The following NXN variants were observed in gnomAD, a reference collection of about 807,000 sequenced individuals.
The protein encoded by NXN is nucleoredoxin.
NXN carries 16 observed loss-of-function variants against 48.6 expected under a neutral mutation model. The ratio of observed to expected loss-of-function variants is 0.33; its 90% CI spans 0.22 to 0.50. The LOEUF is 0.50. Ranked by LOEUF, NXN falls within the 20% of genes least tolerant of loss-of-function variation. NXN has a pLI of 0.98. For synonymous variants in NXN, 281 were observed against 269.6 expected (o/e 1.04, Z -0.41); for missense variants, 492 against 605.5 (o/e 0.81, Z 1.97).
chr17:846,670 AT>A (rs200975642), intron 1 of NXN, among the ~76,000 whole-genome samples: 2 of 150,358 alleles, frequency 1.3e-5, no homozygotes, highest in African/African-American at 2.5e-5. Context: ...TAAACATTTG[AT>A]TTTTTTTTAG....
chr17:903,241 G>T (rs2068553199), intron 1 of NXN, among the ~76,000 whole-genome samples: 1 of 150,208 alleles, frequency 6.7e-6, no homozygotes, highest in Non-Finnish European at 1.5e-5. Flanking sequence ...AGTCTCACTC[G>T]GTCACCCAGG....
intron 1 of NXN, among the ~76,000 whole-genome samples, chr17:842,881 G>A (rs949189115): frequency 6.6e-6 from 1 of 152,064 alleles, no homozygotes; most frequent in Non-Finnish European, 1.5e-5. Context: ...GGAGGTTGCG[G>A]TAAGCCGAGA....
chr17:884,834 T>G (rs1007971950), intron 1 of NXN, among the ~76,000 whole-genome samples: 1 of 152,228 alleles, frequency 6.6e-6, no homozygotes, highest in East Asian at 1.9e-4. Context: ...ATAAAACATG[T>G]TTCTAGAATG....
chr17:872,583 T>TAA (rs1567842823), intron 1 of NXN, among the ~76,000 whole-genome samples: 1 of 149,998 alleles, frequency 6.7e-6, no homozygotes, highest in Non-Finnish European at 1.5e-5. Context: ...TGATCCTGAG[T>TAA]GTGTCTGTGA....
In NXN at chr17:917,987, G is replaced by A. The variant is rs1340258674; in HGVS notation, c.360+61332C>T. Among the ~76,000 whole-genome samples the A allele has an allele frequency of 6.6e-6, 1 of 152,192 alleles. No homozygotes were observed. The highest frequency in any genetic ancestry group is 1.5e-5 in the Non-Finnish European group (1 of 68,038). The stretch of plus-strand genomic sequence containing the variant: ...CTTTATGGAAGACACATGGCTCACG[G>A]CAGGGCCCGGCACATCACAAAAACT... On this transcript the variant is annotated intron_variant, in intron 1 of 7. Coordinates refer to ENST00000336868, the MANE Select transcript of NXN (RefSeq NM_022463.5). The surrounding 1 kb of genome is among the most constrained non-coding windows in gnomAD (Gnocchi z 4.5).
In NXN at chr17:915,886, A is replaced by AAAATGG. The variant is rs1555621964; in HGVS notation, c.360+63432_360+63433insCCATTT. Among the ~76,000 whole-genome samples, 15 of 99,904 alleles carry AAAATGG rather than the reference A, an allele frequency of 1.5e-4. No individual in the cohort carries two copies. In the East Asian group the frequency reaches 1.7e-3, roughly 11 times the overall value. The allele number at this position is 99,904 out of a possible 152,430, so 65.5% of individuals were successfully genotyped here. ...TTATGGTGTCAGAGCTGGAACTTCC[A>AAAATGG]GCTGCTCCCCCTCTCCCAGTTCTTT... On this transcript the variant is annotated intron_variant, in intron 1 of 7. Coordinates refer to ENST00000336868, the MANE Select transcript of NXN (RefSeq NM_022463.5).
chr17:827,470 A>G (rs8078028), intron 1 of NXN, among the ~76,000 whole-genome samples: 103,416 of 151,658 alleles, frequency 0.68, 36,246 homozygotes, highest in African/African-American at 0.85. Context: ...AAAATTACAA[A>G]AAATTAGCCG....
In NXN at chr17:918,440, T is replaced by C. The variant is rs1263255420; in HGVS notation, c.360+60879A>G. On this transcript the variant is annotated intron_variant, in intron 1 of 7. Coordinates refer to ENST00000336868, the MANE Select transcript of NXN (RefSeq NM_022463.5). ...GCCGTGACTCCCATTTCCATTTGGCTCCCGAGTCAATCACTCACTTTCATT... is the reference window on the plus strand; with the variant it reads ...GCCGTGACTCCCATTTCCATTTGGCCCCCGAGTCAATCACTCACTTTCATT... Among the ~76,000 whole-genome samples, 3 of 152,154 alleles carry C rather than the reference T, an allele frequency of 2.0e-5. No homozygotes were observed. In the East Asian group the frequency reaches 5.8e-4, roughly 29 times the overall value.
At chr17:806,487 C>A (rs1911532603) in intron 5 of NXN, among the ~76,000 whole-genome samples, 1 of 152,118 alleles carries the variant, frequency 6.6e-6, no homozygotes, top group South Asian at 2.1e-4. Flanking sequence ...CCACTCCCCG[C>A]AGCCTCTCCT....
At position 800,812 on chromosome 17, in the gene NXN, A is replaced by G; in HGVS notation, c.*137T>C. On this transcript the variant is annotated 3_prime_UTR_variant, in exon 8 of 8. Transcript: ENST00000336868. The stretch of plus-strand genomic sequence containing the variant: ...GTGCTGGCTGAGGAGTTTACTGCAG[A>G]AACAAGGCACCACAGAGAGGCTGGA... 2.0e-6 allele frequency: 1 copy of G among 503,178 alleles called. No individual in the cohort carries two copies. Among genetic ancestry groups the G allele is most frequent in the East Asian group, 3.5e-5 (1 of 28,548 alleles). The allele number at this position is 503,178 out of a possible 1,614,324, so 31.2% of individuals were successfully genotyped here. A position where few individuals can be genotyped will look rare whatever the true frequency, so the allele number is the denominator to read the frequency against.
intron 1 of NXN, among the ~76,000 whole-genome samples, chr17:947,732 C>CAAAA (rs1159185042): frequency 2.7e-5 from 1 of 36,648 alleles, no homozygotes; most frequent in Non-Finnish European, 5.8e-5. Context: ...GGCTCCCTCT[C>CAAAA]AAAAAAAAAA....
chr17:878,828 G>A (rs1326377584), intron 1 of NXN, among the ~76,000 whole-genome samples: 2 of 152,160 alleles, frequency 1.3e-5, no homozygotes, highest in Non-Finnish European at 2.9e-5. Context: ...CGCAGAGCCA[G>A]TTAAAAGCTC....
chr17:952,622 T>TG (rs374659564), intron 1 of NXN, among the ~76,000 whole-genome samples: 3 of 19,834 alleles, frequency 1.5e-4, no homozygotes, highest in East Asian at 2.5e-3. Context: ...GGTCACACTG[T>TG]GGGGGGGCTG....
At chr17:908,774 G>A (rs1217663562) in intron 1 of NXN, among the ~76,000 whole-genome samples, 3 of 152,052 alleles carry the variant, frequency 2.0e-5, no homozygotes, top group African/African-American at 4.8e-5. Flanking sequence ...TTTGCCTCAT[G>A]TTTTAAACAC....
Position 917,244 on chromosome 17 carries a change from C to T in NXN, c.360+62075G>A, listed in dbSNP as rs574310398. ...GTGGCCTCCGCCTCGCGGGTTCAAG[C>T]GATTCTCCTGCCTCAGCCTCCCGAG... On this transcript the variant is annotated intron_variant, in intron 1 of 7. Coordinates refer to ENST00000336868, the MANE Select transcript of NXN (RefSeq NM_022463.5). This position sits in a 1 kb window ranked among gnomAD's most constrained non-coding sequence, Gnocchi z 4.5. Among the ~76,000 whole-genome samples, 8 of 152,130 alleles carry T rather than the reference C, an allele frequency of 5.3e-5. No individual in the cohort carries two copies. In the East Asian group the frequency reaches 5.8e-4, roughly 11 times the overall value.
intron 1 of NXN, chr17:896,777 G>C: frequency 4.4e-6 from 4 of 914,706 alleles, no homozygotes; most frequent in Non-Finnish European, 5.5e-6. Flanking sequence ...CGACTTCAAA[G>C]CTTCCCTAAA....
intron 1 of NXN, among the ~76,000 whole-genome samples, chr17:933,143 T>C (rs896735209): frequency 6.6e-6 from 1 of 150,578 alleles, no homozygotes; most frequent in African/African-American, 2.5e-5. Flanking sequence ...AAAACTCTTG[T>C]GGATCTGATG....
intron 1 of NXN, among the ~76,000 whole-genome samples, chr17:896,224 C>T (rs1262877679): frequency 1.3e-5 from 2 of 151,746 alleles, no homozygotes; most frequent in Admixed American, 6.6e-5. Flanking sequence ...CCTGTAATCC[C>T]AGCTACTCGG....
At chr17:914,616 A>G (rs967523654) in intron 1 of NXN, among the ~76,000 whole-genome samples, 3 of 152,254 alleles carry the variant, frequency 2.0e-5, no homozygotes, top group Admixed American at 1.3e-4. Context: ...CATGTATGAA[A>G]TGCTACCTTG....
Sources: allele counts gnomAD v4.1 joint callset (sites outside exome capture counted in the v4.1 genomes callset), GRCh38; gene constraint gnomAD v4.1.1; non-coding constraint Gnocchi (gnomAD v3.1); transcripts MANE v1.5; gene names NCBI Gene and HGNC (gene_info 2026-07-23, HGNC 2026-07-21).